Variants in VIRMA observed in about 807,000 individuals in gnomAD.
The protein encoded by VIRMA is vir like m6A methyltransferase associated, also known as protein virilizer homolog.
In VIRMA, 65 loss-of-function variants were observed where a neutral mutation model predicts 182.4. The observed-to-expected ratio is 0.36, with a 90% CI of 0.29 to 0.44. The LOEUF (loss-of-function observed/expected upper bound fraction) is 0.44, where lower values mean the gene tolerates loss of function less well. VIRMA is among the 20% of genes least tolerant of loss of function. The pLI is 1.00. For missense variants in VIRMA, 1,752 were observed against 2,158.1 expected, an observed-to-expected ratio of 0.81 and a Z score of 3.73; for synonymous variants, 709 against 743.1, an observed-to-expected ratio of 0.95 and a Z score of 0.75.
intron 16 of VIRMA, among the ~76,000 whole-genome samples, chr8:94,505,633 C>T (rs559752433): frequency 1.2e-4 from 19 of 152,130 alleles, no homozygotes; most frequent in Admixed American, 2.6e-4. Flanking sequence ...CAGGTGTGTG[C>T]CATCATGCCC....
intron 10 of VIRMA, among the ~76,000 whole-genome samples, chr8:94,515,692 T>G (rs1814536970): frequency 6.6e-6 from 1 of 152,178 alleles, no homozygotes; most frequent in Admixed American, 6.5e-5. Flanking sequence ...AGTTTTAAAA[T>G]GAAAGAAATG....
intron 5 of VIRMA, among the ~76,000 whole-genome samples, chr8:94,532,811 A>T (rs1488666184): frequency 6.6e-6 from 1 of 152,002 alleles, no homozygotes; most frequent in Non-Finnish European, 1.5e-5. Flanking sequence ...CAAAAAAATG[A>T]GTTGGGGTGG....
intron 15 of VIRMA, among the ~76,000 whole-genome samples, chr8:94,507,394 C>T (rs903126040): frequency 9.9e-5 from 15 of 151,814 alleles, no homozygotes; most frequent in Non-Finnish European, 1.8e-4. Flanking sequence ...CTCGGCCTCC[C>T]AAAGTGCTGG....
chr8:94,538,337 A>T lies in VIRMA; in HGVS notation c.189T>A (p.Ser63=). 6.2e-7 allele frequency: 1 copy of T among 1,606,944 alleles called. No homozygotes were observed. Among genetic ancestry groups the T allele is most frequent in the Middle Eastern group, 1.7e-4 (1 of 6,048 alleles). The change falls in exon 3 of 24, where the codon TCT becomes TCA. Residue 63 remains serine, a synonymous_variant. Coordinates refer to ENST00000297591, the MANE Select transcript of VIRMA (RefSeq NM_015496.5). ...LPDNRAYGET[S]PHTFQLDLFF... is the part of the protein sequence containing the mutation. ...ATAAGTCTAATTGAAATGTATGGGG[A>T]GATGTCTCTCTGTAAATGAAACAAA...
intron 5 of VIRMA, 127 bp downstream of exon 5, chr8:94,534,711 CT>C (rs1413356234): frequency 2.8e-6 from 3 of 1,083,676 alleles, no homozygotes; most frequent in Non-Finnish European, 3.9e-6. Context: ...CTCTCTCCCC[CT>C]CTCTTCCTCT....
intron 1 of VIRMA, among the ~76,000 whole-genome samples, chr8:94,546,390 A>C (rs1298817250): frequency 6.6e-6 from 1 of 150,854 alleles, no homozygotes; most frequent in Non-Finnish European, 1.5e-5. Flanking sequence ...ATTATCCTGG[A>C]CTTCTCATCC....
intron 18 of VIRMA, 26 bp downstream of exon 18, chr8:94,496,302 G>A (rs760205944): frequency 1.3e-6 from 2 of 1,597,226 alleles, no homozygotes; most frequent in Non-Finnish European, 1.7e-6. Flanking sequence ...TAGGCCTTAA[G>A]AACGCTCTGT....
At position 94,488,877 on chromosome 8, in the gene VIRMA, A is replaced by G. The variant is rs1813530431; in HGVS notation, c.5285-17T>C. Reference sequence around the variant, plus strand: ...GGCGGTAACCTGTAAAAGAAAGAATACAGTTTTTAGTTCCAATGTCCTTTC... The same window carrying G: ...GGCGGTAACCTGTAAAAGAAAGAATGCAGTTTTTAGTTCCAATGTCCTTTC... On this transcript the variant is annotated splice_polypyrimidine_tract_variant and intron_variant, in intron 23 of 23. Transcript: ENST00000297591. 1 of 1,607,014 alleles carries G rather than the reference A, an allele frequency of 6.2e-7. No homozygotes were observed. Among genetic ancestry groups the G allele is most frequent in the East Asian group, 2.2e-5 (1 of 44,794 alleles).
At chr8:94,501,537 T>C (rs540244905) in intron 16 of VIRMA, among the ~76,000 whole-genome samples, 6 of 152,318 alleles carry the variant, frequency 3.9e-5, no homozygotes, top group African/African-American at 1.4e-4. Context: ...GCTACTTCAT[T>C]TGTAAACTAG....
Position 94,499,386 on chromosome 8 carries a change from G to A in VIRMA, c.4218C>T (p.Asn1406=). The change falls in exon 17 of 24, where the codon AAC becomes AAT. Residue 1406 remains asparagine, a synonymous_variant. Transcript: ENST00000297591. The part of the protein sequence containing the change: ...SFLEFMRQIL[N]SDTIGCCGDD... Reference sequence around the variant, plus strand: ...CACACATACTTACAATTGTGTCAGAGTTAAGAATTTGTCTCATAAATTCTA... The same window carrying A: ...CACACATACTTACAATTGTGTCAGAATTAAGAATTTGTCTCATAAATTCTA... 2 of 1,572,006 alleles carry A rather than the reference G, an allele frequency of 1.3e-6. No individual in the cohort carries two copies. Among genetic ancestry groups the A allele is most frequent in the Non-Finnish European group, 1.7e-6 (2 of 1,158,354 alleles).
chr8:94,542,776 T>C (rs916384602), intron 2 of VIRMA, among the ~76,000 whole-genome samples: 2 of 152,234 alleles, frequency 1.3e-5, no homozygotes, highest in East Asian at 3.8e-4. Context: ...TGTGTATCTT[T>C]TAATTTTTGA....
Position 94,511,300 on chromosome 8 carries a change from G to C in VIRMA, c.3275C>G (p.Ser1092Cys). The C allele has an allele frequency of 1.2e-6, 2 of 1,613,898 alleles. No individual in the cohort carries two copies. The highest frequency in any genetic ancestry group is 1.7e-6 in the Non-Finnish European group (2 of 1,179,942). The part of the protein sequence containing the change: ...SEETLANNTW[S>C]LMLKEVLSSI... ...AGAAAGAACTTCTTTTAACATTAAAGACCAAGTATTATTGGCCAGAGTCTC... is the reference window on the plus strand; with the variant it reads ...AGAAAGAACTTCTTTTAACATTAAACACCAAGTATTATTGGCCAGAGTCTC... Residue 1092 changes from serine (S) to cysteine (C), a missense_variant, in exon 13 of 24, where the codon TCT becomes TGT. Ser to Cys is a moderately radical substitution (Grantham distance 112, BLOSUM62 -1). Transcript: ENST00000297591.
intron 8 of VIRMA, among the ~76,000 whole-genome samples, chr8:94,522,209 T>TA (rs1470664076): frequency 6.6e-6 from 1 of 152,150 alleles, no homozygotes; most frequent in East Asian, 1.9e-4. Context: ...TGTTGCTATT[T>TA]AAAAATAAAA....
intron 16 of VIRMA, among the ~76,000 whole-genome samples, chr8:94,504,941 C>A (rs1586072527): frequency 1.3e-5 from 2 of 152,036 alleles, no homozygotes; most frequent in African/African-American, 4.8e-5. Context: ...TCTAGGAAAC[C>A]CAACAAAATC....
chr8:94,538,582 G>A (rs1480039480), intron 2 of VIRMA, among the ~76,000 whole-genome samples: 2 of 152,008 alleles, frequency 1.3e-5, no homozygotes, highest in African/African-American at 4.8e-5. Context: ...TTTTAATCAA[G>A]TACTTTTTGC....
intron 16 of VIRMA, among the ~76,000 whole-genome samples, chr8:94,503,690 T>C (rs530097084): frequency 1.3e-5 from 2 of 152,198 alleles, no homozygotes; most frequent in South Asian, 4.2e-4. Context: ...TATTATACAG[T>C]TATGTAAGAG....
intron 1 of VIRMA, among the ~76,000 whole-genome samples, chr8:94,544,876 G>C (rs1416934162): frequency 8.6e-5 from 13 of 151,858 alleles, no homozygotes; most frequent in Admixed American, 8.5e-4. Flanking sequence ...AATATCAAGG[G>C]ATCAGGGAAA....
At chr8:94,528,288 TA>T (rs1293213546) in intron 7 of VIRMA, among the ~76,000 whole-genome samples, 2 of 150,732 alleles carry the variant, frequency 1.3e-5, no homozygotes, top group Non-Finnish European at 3.0e-5. Flanking sequence ...AACATTTAAC[TA>T]CTTTTGCCAA....
At chr8:94,495,609 C>A in intron 19 of VIRMA, 122 bp downstream of exon 19, 1 of 630,846 alleles carries the variant, frequency 1.6e-6, no homozygotes, top group South Asian at 2.6e-5. Context: ...GCTGTATGGC[C>A]TGCAAAGCCT....
Sources: gnomAD v4.1 joint callset for allele counts (sites outside exome capture counted in the v4.1 genomes callset) on GRCh38, gnomAD v4.1.1 for gene constraint, MANE v1.5 for transcripts, NCBI Gene and HGNC (gene_info 2026-07-23, HGNC 2026-07-21) for gene names.